The following LRP1B variants were observed in gnomAD, a reference collection of about 807,000 sequenced individuals.
LRP1B encodes the protein low-density lipoprotein receptor-related protein 1B.
In LRP1B, 217 loss-of-function variants were observed where a neutral mutation model predicts 556.6. The observed-to-expected ratio is 0.39, with a 90% CI of 0.35 to 0.44. The LOEUF (loss-of-function observed/expected upper bound fraction) is 0.44. Among genes scored for constraint, LRP1B ranks in the 20% least tolerant of loss-of-function variants. LRP1B has a pLI of 1.00. For synonymous variants in LRP1B, 2,047 were observed against 1,865.8 expected (o/e 1.10, Z -2.50); for missense variants, 5,053 against 5,620.8 (o/e 0.90, Z 3.23).
intron 1 of LRP1B, among the ~76,000 whole-genome samples, chr2:141,905,071 G>C (rs778191684): frequency 6.6e-6 from 1 of 151,780 alleles, no homozygotes; most frequent in African/African-American, 2.4e-5. Flanking sequence ...CAGAATAATG[G>C]GAGTCCAGAG....
intron 2 of LRP1B, among the ~76,000 whole-genome samples, chr2:141,487,267 G>T (rs1683156025): frequency 6.6e-6 from 1 of 152,068 alleles, no homozygotes; most frequent in Non-Finnish European, 1.5e-5. Flanking sequence ...TTCAAAATAA[G>T]ACTATGAGAT....
chr2:140,509,207 C>T (rs372179304), intron 52 of LRP1B, among the ~76,000 whole-genome samples: 17 of 151,946 alleles, frequency 1.1e-4, no homozygotes, highest in South Asian at 6.2e-4. Flanking sequence ...AAGCGGAGTT[C>T]GCAGCATTAT....
intron 18 of LRP1B, among the ~76,000 whole-genome samples, chr2:140,965,012 A>G (rs1696160120): frequency 6.6e-6 from 1 of 152,204 alleles, no homozygotes; most frequent in South Asian, 2.1e-4. Flanking sequence ...AGAGATATTG[A>G]AAGAAGTTCA....
At chr2:141,003,458 CAT>C (rs1256957730) in intron 15 of LRP1B, among the ~76,000 whole-genome samples, 4 of 152,174 alleles carry the variant, frequency 2.6e-5, no homozygotes, top group East Asian at 1.9e-4. Context: ...ACAATTCCCA[CAT>C]GTCATAGGAG....
chr2:141,329,834 C>T (rs78921632), intron 3 of LRP1B, among the ~76,000 whole-genome samples: 3,345 of 152,092 alleles, frequency 0.022, 120 homozygotes, highest in African/African-American at 0.077. Flanking sequence ...TTAGAAAAGA[C>T]AAGATCATGC....
Position 141,691,759 on chromosome 2 carries a change from C to T in LRP1B, c.205+118520G>A, listed in dbSNP as rs181248733. 1.6e-4 allele frequency among the ~76,000 whole-genome samples: 24 copies of T among 152,026 alleles called. No homozygotes were observed. The East Asian group carries it at 4.1e-3, about 26-fold the overall frequency. Reference sequence around the variant, plus strand: ...TTCTAGGCAACCTGGGCAAACTACTCAATTCATATGGCTTCTATTTCCTCC... The same window carrying T: ...TTCTAGGCAACCTGGGCAAACTACTTAATTCATATGGCTTCTATTTCCTCC... On this transcript the variant is annotated intron_variant, in intron 2 of 90. Transcript: ENST00000389484.
chr2:141,193,116 A>G (rs567914756), intron 6 of LRP1B, among the ~76,000 whole-genome samples: 2 of 152,148 alleles, frequency 1.3e-5, no homozygotes, highest in East Asian at 1.9e-4. Flanking sequence ...AAAAGGGAAC[A>G]CTTACACATT....
At chr2:140,689,324 G>A (rs563140331) in intron 41 of LRP1B, among the ~76,000 whole-genome samples, 31 of 152,226 alleles carry the variant, frequency 2.0e-4, no homozygotes, top group African/African-American at 7.0e-4. Context: ...TAAGGCAAAT[G>A]CCAATCTGTA....
At chr2:140,683,826 G>T (rs758170078) in intron 41 of LRP1B, 4 of 670,030 alleles carry the variant, frequency 6.0e-6, no homozygotes, top group South Asian at 3.3e-5. Flanking sequence ...CCTTCCATGC[G>T]CTAGGCAGCA....
chr2:142,057,148 G>A (rs774221185), intron 1 of LRP1B, among the ~76,000 whole-genome samples: 15 of 151,980 alleles, frequency 9.9e-5, no homozygotes, highest in Non-Finnish European at 1.9e-4. Flanking sequence ...CTTCATTTTG[G>A]CGTTTAACCA....
chr2:140,323,633 G>GAATAACAGATTATTGTA (rs1680286205), intron 81 of LRP1B, among the ~76,000 whole-genome samples: 1 of 151,784 alleles, frequency 6.6e-6, no homozygotes, highest in Non-Finnish European at 1.5e-5. Context: ...TTTAGAAACA[G>GAATAACAGATTATTGTA]AATAACAGAT....
At chr2:142,123,353 A>G (rs1707522678) in intron 1 of LRP1B, among the ~76,000 whole-genome samples, 1 of 152,062 alleles carries the variant, frequency 6.6e-6, no homozygotes, top group South Asian at 2.1e-4. Flanking sequence ...GCAGTCTTGG[A>G]AATCTTGAAG....
At chr2:141,470,739 C>T (rs150371038) in intron 3 of LRP1B, among the ~76,000 whole-genome samples, 174 of 152,156 alleles carry the variant, frequency 1.1e-3, no homozygotes, top group African/African-American at 4.0e-3. Flanking sequence ...ATGAATCATA[C>T]GGGATTTGGC....
intron 3 of LRP1B, among the ~76,000 whole-genome samples, chr2:141,385,672 T>A (rs1689808260): frequency 6.6e-6 from 1 of 152,136 alleles, no homozygotes; most frequent in Admixed American, 6.5e-5. Context: ...AACCATTCAG[T>A]AGAATGCCTC....
rs549176452 is a variant in LRP1B at position 141,846,775 on chromosome 2, G to A, written c.83-36374C>T. 8.6e-5 allele frequency among the ~76,000 whole-genome samples: 13 copies of A among 151,236 alleles called. No homozygotes were observed. In the East Asian group the frequency reaches 1.2e-3, roughly 14 times the overall value. On this transcript the variant is annotated intron_variant, in intron 1 of 90. Transcript: ENST00000389484. Reference sequence around the variant, plus strand: ...GGAATGACACAAAAAACATAGGATCGTGAACGATATCTTTTAATAAAAAAA... The same window carrying A: ...GGAATGACACAAAAAACATAGGATCATGAACGATATCTTTTAATAAAAAAA...
At chr2:140,475,583 ATAT>A (rs1157866587) in intron 59 of LRP1B, among the ~76,000 whole-genome samples, 1 of 151,020 alleles carries the variant, frequency 6.6e-6, no homozygotes, top group Non-Finnish European at 1.5e-5. Flanking sequence ...ATATATAACA[ATAT>A]TATATAATAA....
At chr2:140,736,788 G>A (rs1687960595) in intron 35 of LRP1B, among the ~76,000 whole-genome samples, 2 of 152,200 alleles carry the variant, frequency 1.3e-5, no homozygotes, top group South Asian at 2.1e-4. Flanking sequence ...CAGGACATAG[G>A]CATGGGCAAG....
intron 1 of LRP1B, among the ~76,000 whole-genome samples, chr2:141,929,664 A>G (rs1270701772): frequency 1.3e-5 from 2 of 152,058 alleles, no homozygotes; most frequent in Non-Finnish European, 2.9e-5. Flanking sequence ...GTAAAATGCT[A>G]TAAACTAAAA....
chr2:140,979,515 T>C (rs111647191), intron 18 of LRP1B, among the ~76,000 whole-genome samples: 4,651 of 152,250 alleles, frequency 0.031, 99 homozygotes, highest in Non-Finnish European at 0.044. Flanking sequence ...TGTTACTGCA[T>C]ATCATCCTAA....
Sources: gnomAD v4.1 joint callset for allele counts (sites outside exome capture counted in the v4.1 genomes callset) on GRCh38, gnomAD v4.1.1 for gene constraint, MANE v1.5 for transcripts, NCBI Gene and HGNC (gene_info 2026-07-23, HGNC 2026-07-21) for gene names.